VCL: variants seen among roughly 807,000 people sequenced by gnomAD.
VCL encodes epididymis luminal protein 114.
VCL carries 47 observed loss-of-function variants against 125.7 expected under a neutral mutation model. The ratio of observed to expected loss-of-function variants is 0.37; its 90% CI spans 0.30 to 0.48. VCL has a LOEUF of 0.48. Ranked by LOEUF, VCL falls within the 20% of genes least tolerant of loss-of-function variation. VCL has a pLI of 0.99. For missense variants in VCL, 1,069 were observed against 1,455.5 expected (o/e 0.73, Z 4.32); for synonymous variants, 458 against 514.6 (o/e 0.89, Z 1.49).
chr10:74,020,361 AAACTAAATAC>A (rs1297417548), intron 1 of VCL, among the ~76,000 whole-genome samples: 3 of 152,340 alleles, frequency 2.0e-5, no homozygotes, highest in African/African-American at 7.2e-5. Context: ...GGAAAAAGAA[AAACTAAATAC>A]AATAGCTGGT....
intron 1 of VCL, among the ~76,000 whole-genome samples, chr10:74,023,477 C>A (rs1840712054): frequency 6.6e-6 from 1 of 152,212 alleles, no homozygotes. Context: ...TATGACTGTA[C>A]TTAAAACAGT....
At chr10:74,039,131 C>G (rs987236867) in intron 1 of VCL, among the ~76,000 whole-genome samples, 2 of 152,006 alleles carry the variant, frequency 1.3e-5, no homozygotes, top group African/African-American at 4.8e-5. Flanking sequence ...AGGCTGGTCG[C>G]GAACTCCTGA....
chr10:74,056,522 G>A (rs1254478085), intron 2 of VCL, among the ~76,000 whole-genome samples: 1 of 152,150 alleles, frequency 6.6e-6, no homozygotes, highest in African/African-American at 2.4e-5. Context: ...GGAATACTTT[G>A]TGGATGAGGT....
At chr10:74,095,600 C>T in intron 11 of VCL, 56 bp from the exon 12 acceptor site, 3 of 1,606,670 alleles carry the variant, frequency 1.9e-6, no homozygotes, top group Non-Finnish European at 8.5e-7. Flanking sequence ...CACAGAATGG[C>T]ATTGCAATTG....
intron 2 of VCL, among the ~76,000 whole-genome samples, chr10:74,059,886 G>A (rs1841450618): frequency 6.6e-6 from 1 of 152,186 alleles, no homozygotes; most frequent in African/African-American, 2.4e-5. Flanking sequence ...TGACTCTGCT[G>A]GGCACAGTGG....
chr10:74,119,573 T>TAA lies in VCL; in HGVS notation c.*1405_*1406dup, dbSNP rs1416394710. ...TTTCCTTTTTGGTACTTATTACTGC[T>TAA]AAGTATTTCCCAGCACATGAAACCT... is the stretch of plus-strand genomic sequence containing the variant. On this transcript the variant is annotated 3_prime_UTR_variant, in exon 22 of 22. Transcript: ENST00000211998. 13 of 152,354 alleles carry TAA rather than the reference T, an allele frequency of 8.5e-5. No homozygotes were observed. Among genetic ancestry groups the TAA allele is most frequent in the Middle Eastern group, 3.4e-3 (1 of 294 alleles). 9.4% of individuals were successfully genotyped at this position (152,354 alleles called of 1,614,324 possible).
intron 7 of VCL, 36 bp downstream of exon 7, chr10:74,082,580 C>A (rs375443330): frequency 6.2e-7 from 1 of 1,602,554 alleles, no homozygotes; most frequent in Non-Finnish European, 8.5e-7. Context: ...ATCAATACAA[C>A]GAGAAGCTAA....
In VCL at chr10:74,071,158, C is replaced by CCTACTTTTTGCAGAA; in HGVS notation, c.499+76_499+90dup. 6.2e-6 allele frequency: 9 copies of CCTACTTTTTGCAGAA among 1,446,158 alleles called. No individual in the cohort carries two copies. Among genetic ancestry groups the CCTACTTTTTGCAGAA allele is most frequent in the Non-Finnish European group, 8.7e-6 (9 of 1,032,282 alleles). 89.6% of individuals were successfully genotyped at this position (1,446,158 alleles called of 1,614,324 possible). A position where few individuals can be genotyped will look rare whatever the true frequency, so the allele number is the denominator to read the frequency against. On this transcript the variant is annotated intron_variant, in intron 4 of 21. Transcript: ENST00000211998. This position sits in a 1 kb window ranked among gnomAD's most constrained non-coding sequence, Gnocchi z 4.1. The stretch of plus-strand genomic sequence containing the variant: ...GAGCCAAAGGAAAGGGTACCCTCTT[C>CCTACTTTTTGCAGAA]CTACTTTTTGCAGAAGATAGGTGAA...
rs138199087 is a variant in VCL at position 74,005,691 on chromosome 10, C to T, written c.168+7316C>T. 3.4e-3 allele frequency among the ~76,000 whole-genome samples: 521 copies of T among 152,136 alleles called. 1 individual carries two copies. Among genetic ancestry groups the T allele is most frequent in the African/African-American group, 0.012 (480 of 41,514 alleles). On this transcript the variant is annotated intron_variant, in intron 1 of 21. Transcript: ENST00000211998. ...GGTTGCAGGAACCCCCCTCGGATAC[C>T]AAAATCTGCAGATACTCAAGTTACT... is the stretch of plus-strand genomic sequence containing the variant.
At chr10:74,087,446 C>A (rs1282689455) in intron 8 of VCL, among the ~76,000 whole-genome samples, 4 of 147,566 alleles carry the variant, frequency 2.7e-5, no homozygotes, top group Middle Eastern at 6.5e-3. Context: ...CCCGGGTTCA[C>A]ACCATTCTCC....
At chr10:74,085,223 G>A (rs1334722194) in intron 8 of VCL, among the ~76,000 whole-genome samples, 1 of 152,192 alleles carries the variant, frequency 6.6e-6, no homozygotes, top group East Asian at 1.9e-4. Flanking sequence ...ATGCCTAATA[G>A]TAAAGTTGAA....
chr10:74,024,979 C>T (rs1391200576), intron 1 of VCL, among the ~76,000 whole-genome samples: 1 of 152,092 alleles, frequency 6.6e-6, no homozygotes, highest in African/African-American at 2.4e-5. Context: ...AATATAACAG[C>T]CAAAAATATT....
intron 2 of VCL, among the ~76,000 whole-genome samples, chr10:74,068,688 T>C (rs1841614329): frequency 6.6e-6 from 1 of 152,184 alleles, no homozygotes; most frequent in Non-Finnish European, 1.5e-5. Context: ...CGAGTGACCA[T>C]ATATGATCCT....
chr10:74,014,040 G>A (rs1210163935), intron 1 of VCL, among the ~76,000 whole-genome samples: 1 of 152,096 alleles, frequency 6.6e-6, no homozygotes, highest in Non-Finnish European at 1.5e-5. Context: ...AGTTTTAGGT[G>A]CTTGAACCTT....
At chr10:74,028,651 C>A (rs985202422) in intron 1 of VCL, among the ~76,000 whole-genome samples, 1 of 152,114 alleles carries the variant, frequency 6.6e-6, no homozygotes, top group Non-Finnish European at 1.5e-5. Context: ...CTCACCTTGG[C>A]CTCCCAAAGT....
chr10:74,098,534 T>C (rs1164432684), intron 13 of VCL, among the ~76,000 whole-genome samples: 1 of 152,204 alleles, frequency 6.6e-6, no homozygotes. Flanking sequence ...AGAGGCTTTC[T>C]TAGAAATTGT....
chr10:74,078,648 G>GT (rs1483364675), intron 6 of VCL, among the ~76,000 whole-genome samples: 3 of 152,278 alleles, frequency 2.0e-5, no homozygotes, highest in African/African-American at 7.2e-5. Context: ...GCACTCATAG[G>GT]TAGCATAGAT....
chr10:74,034,542 A>G (rs563981913), intron 1 of VCL, among the ~76,000 whole-genome samples: 6 of 152,366 alleles, frequency 3.9e-5, no homozygotes, highest in African/African-American at 1.4e-4. Flanking sequence ...CATGCATTAC[A>G]CTGCATTGCC....
At position 74,105,078 on chromosome 10, in the gene VCL, A is replaced by T. The variant is rs1554818881; in HGVS notation, c.2159A>T (p.Lys720Ile). 6.2e-7 allele frequency: 1 copy of T among 1,614,044 alleles called. No individual in the cohort carries two copies. The highest frequency in any genetic ancestry group is 1.3e-5 in the African/African-American group (1 of 74,900). Residue 720 changes from lysine to isoleucine, a missense_variant, in exon 16 of 22, where the codon AAA becomes ATA. By Grantham distance (102) the Lys-to-Ile change is moderately radical. This residue lies in a region of VCL where 760 missense variants were observed against 928.9 expected (regional missense o/e 0.82). Transcript: ENST00000211998. ...CTGGTGGACGAAGCCATTGATACCA[A>T]ATCTCTGTTGGATGCTTCAGAAGAA... ...TGLVDEAIDT[K>I]SLLDASEEAI... is the part of the protein sequence containing the mutation.
Sources: allele counts gnomAD v4.1 joint callset (sites outside exome capture counted in the v4.1 genomes callset), GRCh38; gene constraint gnomAD v4.1.1; regional missense constraint gnomAD v4.1.1; non-coding constraint Gnocchi (gnomAD v3.1); transcripts MANE v1.5; gene names NCBI Gene and HGNC (gene_info 2026-07-23, HGNC 2026-07-21).